ZFHX3: variants seen among roughly 807,000 people sequenced by gnomAD.
ZFHX3 encodes the protein zinc finger homeobox protein 3.
ZFHX3 carries 42 observed loss-of-function variants against 279.1 expected under a neutral mutation model. That is an observed-to-expected ratio of 0.15 (90% confidence interval 0.12 to 0.19). The LOEUF is 0.19. ZFHX3 is among the 10% of genes least tolerant of loss of function. The probability of loss-of-function intolerance (pLI) is 1.00; values close to 1 mark genes in which losing one functional copy is unlikely to be tolerated. For synonymous variants in ZFHX3, 2,293 were observed against 1,957.8 expected (o/e 1.17, Z -4.52); for missense variants, 4,981 against 4,754.0 (o/e 1.05, Z -1.40).
At chr16:72,963,577 A>C (rs1961690383) in intron 1 of ZFHX3, among the ~76,000 whole-genome samples, 1 of 152,124 alleles carries the variant, frequency 6.6e-6, no homozygotes, top group Non-Finnish European at 1.5e-5. Flanking sequence ...CCTTGGAACC[A>C]CCTGTAAAGC....
intron 2 of ZFHX3, among the ~76,000 whole-genome samples, chr16:73,617,039 T>C (rs1345105726): frequency 6.6e-6 from 1 of 152,182 alleles, no homozygotes. Context: ...GTCAACTCTA[T>C]TAATCATAAA....
At chr16:73,377,352 G>A (rs554379928) in intron 3 of ZFHX3, among the ~76,000 whole-genome samples, 5 of 152,212 alleles carry the variant, frequency 3.3e-5, no homozygotes, top group African/African-American at 1.2e-4. Flanking sequence ...GACCATCAAG[G>A]AGGACTCAGA....
chr16:72,895,376 C>G (rs908294351), intron 3 of ZFHX3, among the ~76,000 whole-genome samples: 3 of 152,132 alleles, frequency 2.0e-5, no homozygotes, highest in Non-Finnish European at 4.4e-5. Flanking sequence ...AAAGCGAGAC[C>G]AACCAGTATC....
intron 2 of ZFHX3, among the ~76,000 whole-genome samples, chr16:73,571,646 T>TA (rs1476772063): frequency 3.4e-5 from 5 of 147,218 alleles, no homozygotes; most frequent in African/African-American, 7.8e-5. Flanking sequence ...TTAATTTTTT[T>TA]TAAAAAACCT....
intron 3 of ZFHX3, among the ~76,000 whole-genome samples, chr16:72,921,564 T>C (rs2039585277): frequency 6.6e-6 from 1 of 152,256 alleles, no homozygotes; most frequent in Non-Finnish European, 1.5e-5. Flanking sequence ...GGGCTATTCT[T>C]ATTCTCTGAT....
At chr16:73,636,764 A>G (rs1030851614) in intron 2 of ZFHX3, among the ~76,000 whole-genome samples, 5 of 152,218 alleles carry the variant, frequency 3.3e-5, no homozygotes, top group Non-Finnish European at 5.9e-5. Context: ...GTTTAAAAAG[A>G]TAAATAGACA....
chr16:73,332,073 T>G (rs918429143), intron 3 of ZFHX3, among the ~76,000 whole-genome samples: 5 of 152,232 alleles, frequency 3.3e-5, no homozygotes, highest in Non-Finnish European at 7.3e-5. Flanking sequence ...TTATAGAGCC[T>G]GATCCAACAA....
At chr16:73,024,125 A>T (rs1964410912) in intron 1 of ZFHX3, among the ~76,000 whole-genome samples, 1 of 152,196 alleles carries the variant, frequency 6.6e-6, no homozygotes, top group Non-Finnish European at 1.5e-5. Context: ...GTCACTGGAG[A>T]CAAGGTAAAG....
intron 2 of ZFHX3, among the ~76,000 whole-genome samples, chr16:72,956,194 CACACAAATAA>C (rs1421553065): frequency 6.6e-6 from 1 of 152,162 alleles, no homozygotes; most frequent in Admixed American, 6.5e-5. Flanking sequence ...ACTCAAACAC[CACACAAATAA>C]ACACTTGCCA....
At chr16:73,677,438 A>C (rs1204482309) in intron 2 of ZFHX3, among the ~76,000 whole-genome samples, 1 of 151,880 alleles carries the variant, frequency 6.6e-6, no homozygotes, top group Non-Finnish European at 1.5e-5. Flanking sequence ...AAACAACAAC[A>C]ACAACAAAAA....
intron 2 of ZFHX3, among the ~76,000 whole-genome samples, chr16:73,594,402 T>C (rs931681498): frequency 6.6e-6 from 1 of 152,180 alleles, no homozygotes; most frequent in Non-Finnish European, 1.5e-5. Context: ...TACCTTCCAA[T>C]GGATGTGTAG....
At chr16:72,892,206 G>C (rs769104293) in intron 3 of ZFHX3, among the ~76,000 whole-genome samples, 19 of 152,226 alleles carry the variant, frequency 1.2e-4, no homozygotes, top group Admixed American at 3.3e-4. Context: ...ACTCATGGGA[G>C]GGGGGTTGAA....
intron 1 of ZFHX3, among the ~76,000 whole-genome samples, chr16:73,034,171 T>C (rs1033967914): frequency 3.9e-5 from 6 of 151,910 alleles, no homozygotes; most frequent in African/African-American, 1.5e-4. Context: ...GACAAGGTTG[T>C]TTCTGAGTTT....
intron 7 of ZFHX3, among the ~76,000 whole-genome samples, chr16:73,111,010 G>A (rs1048784012): frequency 4.6e-5 from 7 of 151,978 alleles, no homozygotes; most frequent in Non-Finnish European, 1.0e-4. Flanking sequence ...GCATGATCTC[G>A]GCTCACTGCA....
At chr16:73,611,625 T>G (rs564782115) in intron 2 of ZFHX3, among the ~76,000 whole-genome samples, 31 of 152,282 alleles carry the variant, frequency 2.0e-4, no homozygotes, top group Middle Eastern at 3.4e-3. Flanking sequence ...CCTCCTAAAA[T>G]TATCCAGTGA....
At chr16:73,099,207 G>C (rs1181856904) in intron 7 of ZFHX3, 2 of 152,214 alleles carry the variant, frequency 1.3e-5, no homozygotes, top group African/African-American at 4.8e-5. Flanking sequence ...AATATTCTGA[G>C]AGCTACACTG....
In ZFHX3 at chr16:73,162,292, T is replaced by C. The variant is rs182688776; in HGVS notation, c.-1103-18461A>G. On this transcript the variant is annotated intron_variant, in intron 5 of 17. Coordinates refer to the ZFHX3 transcript ENST00000641206. ...TGTTATAGCAGCACAAACCCTACTG[T>C]GAACTGCACATGCGAGGGATCTAGG... Among the ~76,000 whole-genome samples the C allele has an allele frequency of 3.3e-5, 5 of 152,286 alleles. No homozygotes were observed. The East Asian group carries it at 9.7e-4, about 29-fold the overall frequency.
At chr16:73,808,544 G>A (rs1005448741) in intron 1 of ZFHX3, 5 of 152,248 alleles carry the variant, frequency 3.3e-5, no homozygotes, top group Non-Finnish European at 7.3e-5. Context: ...ACTGTCCAGT[G>A]TGTGGACAAT....
chr16:73,736,956 G>A (rs992579798), intron 1 of ZFHX3, among the ~76,000 whole-genome samples: 6 of 152,250 alleles, frequency 3.9e-5, no homozygotes, highest in African/African-American at 1.4e-4. Flanking sequence ...ATATGGAGAA[G>A]TGTGGGCAGG....
Sources: allele counts gnomAD v4.1 joint callset (sites outside exome capture counted in the v4.1 genomes callset), GRCh38; gene constraint gnomAD v4.1.1; transcripts MANE v1.5; gene names NCBI Gene and HGNC (gene_info 2026-07-23, HGNC 2026-07-21).